The following XPO7 variants were observed in gnomAD, a reference collection of about 807,000 sequenced individuals.
XPO7 encodes the protein exportin 7, also known as exportin-7.
XPO7 carries 21 observed loss-of-function variants against 144.3 expected under a neutral mutation model. The observed-to-expected ratio is 0.15, with a 90% CI of 0.10 to 0.21. The LOEUF is 0.21. Among genes scored for constraint, XPO7 ranks in the 10% least tolerant of loss-of-function variants. XPO7 has a pLI of 1.00. For synonymous variants in XPO7, 580 were observed against 499.6 expected, an observed-to-expected ratio of 1.16 and a Z score of -2.15; for missense variants, 808 against 1,325.8, an observed-to-expected ratio of 0.61 and a Z score of 6.06.
intron 1 of XPO7, among the ~76,000 whole-genome samples, chr8:21,950,893 G>T (rs1027494676): frequency 6.6e-6 from 1 of 151,968 alleles, no homozygotes; most frequent in Admixed American, 6.5e-5. Context: ...AGGCTGAGGA[G>T]GGTGGATCAC....
chr8:21,975,776 G>A (rs575323335), intron 6 of XPO7, among the ~76,000 whole-genome samples: 1 of 152,334 alleles, frequency 6.6e-6, no homozygotes, highest in African/African-American at 2.4e-5. Context: ...GCCAGTCACG[G>A]AGGCTCAGCT....
Position 21,919,675 on chromosome 8 carries a change from AGCGGCGACGGCGTCG to A in XPO7, c.-89_-75del, listed in dbSNP as rs1272359250. The A allele has an allele frequency of 3.3e-5, 6 of 180,494 alleles. No homozygotes were observed. Among genetic ancestry groups the A allele is most frequent in the Non-Finnish European group, 7.4e-5 (6 of 81,138 alleles). 11.2% of individuals were successfully genotyped at this position (180,494 alleles called of 1,614,324 possible). On this transcript the variant is annotated 5_prime_UTR_variant, in exon 1 of 28. Coordinates refer to ENST00000252512, the MANE Select transcript of XPO7 (RefSeq NM_015024.5). ...CGACGAGTCCCCAGCGCGCAGGCGC[AGCGGCGACGGCGTCG>A]GCGGCGGCGGCGGCAGCGGCTCCGG...
intron 13 of XPO7, among the ~76,000 whole-genome samples, chr8:21,986,188 A>G (rs1003419672): frequency 4.2e-4 from 62 of 148,534 alleles, no homozygotes; most frequent in Non-Finnish European, 6.1e-4. Context: ...CCCAGGCCAG[A>G]GTGCAGTGGC....
In XPO7 at chr8:21,980,107, C is replaced by G. The variant is rs372502931; in HGVS notation, c.861C>G (p.Ile287Met). Residue 287 changes from isoleucine to methionine, a missense_variant, in exon 9 of 28, where the codon ATC becomes ATG. By Grantham distance (10) the Ile-to-Met change is conservative. This residue lies in a region of XPO7 where 223 missense variants were observed against 368.8 expected (regional missense o/e 0.60). Coordinates refer to ENST00000252512, the MANE Select transcript of XPO7 (RefSeq NM_015024.5). ...SPLVLSCLVQ[I>M]ASVRRSLFNN... ...AGGTATTATCCTGCTTGGTACAGAT[C>G]GCTTCAGTCAGAAGATCCCTGTTTA... 23 of 1,600,754 alleles carry G rather than the reference C, an allele frequency of 1.4e-5. No individual in the cohort carries two copies. The highest frequency in any genetic ancestry group is 4.5e-5 in the East Asian group (2 of 44,656).
rs531777873 is a variant in XPO7, at chr8:21,973,681, G to A, written c.493-989G>A. Among the ~76,000 whole-genome samples the A allele has an allele frequency of 7.9e-5, 12 of 152,290 alleles. No individual in the cohort carries two copies. In the South Asian group the frequency reaches 1.9e-3, roughly 24 times the overall value. On this transcript the variant is annotated intron_variant, in intron 5 of 27. Transcript: ENST00000252512. ...AGTCTCCTCTTGGATGAATTGATCAGTAAACAGAAGAGATTTAAGCTTTCA... is the reference window on the plus strand; with the variant it reads ...AGTCTCCTCTTGGATGAATTGATCAATAAACAGAAGAGATTTAAGCTTTCA...
At chr8:21,983,661 C>T (rs1812476409) in intron 11 of XPO7, among the ~76,000 whole-genome samples, 3 of 152,208 alleles carry the variant, frequency 2.0e-5, no homozygotes, top group Non-Finnish European at 4.4e-5. Flanking sequence ...GGAGTGGTTA[C>T]ATGTTTGTAG....
chr8:21,993,256 A>C (rs1228895706), intron 19 of XPO7, among the ~76,000 whole-genome samples: 1 of 152,224 alleles, frequency 6.6e-6, no homozygotes, highest in African/African-American at 2.4e-5. Flanking sequence ...AAAATTAACC[A>C]AAAGAACAAC....
In XPO7 at chr8:21,937,582, A is replaced by T. The variant is rs556324248; in HGVS notation, c.18+17794A>T. 3.4e-4 allele frequency among the ~76,000 whole-genome samples: 52 copies of T among 152,266 alleles called. 2 individuals are homozygous for T. In the South Asian group the frequency reaches 0.011, roughly 31 times the overall value. On this transcript the variant is annotated intron_variant, in intron 1 of 27. Coordinates refer to ENST00000252512, the MANE Select transcript of XPO7 (RefSeq NM_015024.5). Reference sequence around the variant, plus strand: ...AGTGTCCCCATCTACAACAGCTGCCATTTGTCAACCCAGGGAAGGTATTTC... The same window carrying T: ...AGTGTCCCCATCTACAACAGCTGCCTTTTGTCAACCCAGGGAAGGTATTTC...
intron 1 of XPO7, among the ~76,000 whole-genome samples, chr8:21,927,588 C>T (rs1016445946): frequency 1.3e-5 from 2 of 148,416 alleles, no homozygotes; most frequent in Non-Finnish European, 3.0e-5. Flanking sequence ...TCTTGTTGCC[C>T]AGGCTGGAGT....
At chr8:21,946,398 G>T (rs1003867340) in intron 1 of XPO7, among the ~76,000 whole-genome samples, 2 of 151,914 alleles carry the variant, frequency 1.3e-5, no homozygotes, top group African/African-American at 2.4e-5. Context: ...TTAAAACTCA[G>T]TGAATAGATT....
chr8:21,960,438 A>G (rs1811688024), intron 1 of XPO7, among the ~76,000 whole-genome samples: 1 of 152,254 alleles, frequency 6.6e-6, no homozygotes, highest in Admixed American at 6.5e-5. Context: ...TTAAAAGTCA[A>G]TAAACCATTA....
intron 1 of XPO7, among the ~76,000 whole-genome samples, chr8:21,945,367 T>A (rs1329657894): frequency 6.6e-6 from 1 of 152,246 alleles, no homozygotes; most frequent in Non-Finnish European, 1.5e-5. Flanking sequence ...GGGGGTAGAT[T>A]ATTTGATAAG....
intron 1 of XPO7, among the ~76,000 whole-genome samples, chr8:21,955,612 TG>T (rs375562084): frequency 1.1e-3 from 164 of 152,270 alleles, no homozygotes; most frequent in African/African-American, 3.8e-3. Context: ...TCACAGTTGT[TG>T]TCCTGGGCCC....
Position 21,953,381 on chromosome 8 carries a change from C to T in XPO7, c.19-13476C>T, listed in dbSNP as rs182193907. On this transcript the variant is annotated intron_variant, in intron 1 of 27. Coordinates refer to ENST00000252512, the MANE Select transcript of XPO7 (RefSeq NM_015024.5). Reference sequence around the variant, plus strand: ...AGTTGGAATCACCCAATAATGTAGCCTTTCAGATTGGCATCTTAAACTTAG... The same window carrying T: ...AGTTGGAATCACCCAATAATGTAGCTTTTCAGATTGGCATCTTAAACTTAG... 3.3e-3 allele frequency among the ~76,000 whole-genome samples: 507 copies of T among 152,264 alleles called. 1 individual carries two copies. Among genetic ancestry groups the T allele is most frequent in the Non-Finnish European group, 5.6e-3 (382 of 68,026 alleles).
At chr8:21,933,096 ATTTTTT>A (rs34592897) in intron 1 of XPO7, among the ~76,000 whole-genome samples, 1 of 110,782 alleles carries the variant, frequency 9.0e-6, no homozygotes, top group Non-Finnish European at 1.8e-5. Flanking sequence ...CTTTTGCTGG[ATTTTTT>A]TTTTTTTTTT....
At chr8:21,977,949 T>C (rs749926244) in intron 8 of XPO7, 106 bp downstream of exon 8, 17 of 954,892 alleles carry the variant, frequency 1.8e-5, no homozygotes, top group Non-Finnish European at 2.6e-5. Context: ...AAGTAAAGCA[T>C]AGAAATACTA....
intron 5 of XPO7, among the ~76,000 whole-genome samples, chr8:21,973,846 G>A (rs1343084701): frequency 1.3e-5 from 2 of 152,170 alleles, no homozygotes; most frequent in Non-Finnish European, 2.9e-5. Flanking sequence ...CATAAATTTA[G>A]CTGAAAAGAC....
chr8:21,997,202 TA>T (rs1452940924), intron 21 of XPO7, among the ~76,000 whole-genome samples: 1 of 152,196 alleles, frequency 6.6e-6, no homozygotes, highest in East Asian at 1.9e-4. Context: ...TACTCATTTA[TA>T]AAATAGATAC....
At chr8:21,999,337 TTCC>T (rs529552537) in intron 23 of XPO7, 32 bp downstream of exon 23, 1 of 1,609,514 alleles carries the variant, frequency 6.2e-7, no homozygotes, top group African/African-American at 1.3e-5. Flanking sequence ...CACAATCTTG[TTCC>T]TCATCACATT....
Sources: allele counts gnomAD v4.1 joint callset (sites outside exome capture counted in the v4.1 genomes callset), GRCh38; gene constraint gnomAD v4.1.1; regional missense constraint gnomAD v4.1.1; transcripts MANE v1.5; gene names NCBI Gene and HGNC (gene_info 2026-07-23, HGNC 2026-07-21).